Variants in HPSE2 observed in about 807,000 individuals in gnomAD.
HPSE2 encodes inactive heparanase-2.
Under a neutral mutation model 60.5 loss-of-function variants are expected in HPSE2, and 38 were observed. The ratio of observed to expected loss-of-function variants is 0.63; its 90% CI spans 0.48 to 0.82. The LOEUF is 0.82. Among genes scored for constraint, HPSE2 ranks in the 40% least tolerant of loss-of-function variants. HPSE2 has a pLI of 0.00. For missense variants in HPSE2, 713 were observed against 740.4 expected (o/e 0.96, Z 0.43); for synonymous variants, 295 against 293.2 (o/e 1.01, Z -0.06).
Position 98,457,397 on chromosome 10 carries a change from G to A in HPSE2, c.*2177C>T, listed in dbSNP as rs1158318518. On this transcript the variant is annotated 3_prime_UTR_variant, in exon 12 of 12. Transcript: ENST00000370552. ...CATTTCCCCGGGTGCCCCTGGGCGAGCCATGGATCCTCTCCATGCCTCGTA... is the reference window on the plus strand; with the variant it reads ...CATTTCCCCGGGTGCCCCTGGGCGAACCATGGATCCTCTCCATGCCTCGTA... The A allele has an allele frequency of 6.6e-6, 1 of 152,178 alleles. No homozygotes were observed. Among genetic ancestry groups the A allele is most frequent in the African/African-American group, 2.4e-5 (1 of 41,452 alleles). The allele number at this position is 152,178 out of a possible 1,614,324, so 9.4% of individuals were successfully genotyped here.
At chr10:99,202,492 TG>T (rs1163329913) in intron 2 of HPSE2, among the ~76,000 whole-genome samples, 2 of 152,208 alleles carry the variant, frequency 1.3e-5, no homozygotes, top group African/African-American at 4.8e-5. Context: ...GTTGTAAAGC[TG>T]GGACAAGTTA....
intron 2 of HPSE2, among the ~76,000 whole-genome samples, chr10:99,184,811 TATATATATAGAGAGAG>T (rs1186389358): frequency 1.8e-4 from 7 of 37,882 alleles, no homozygotes; most frequent in Admixed American, 3.6e-4. Flanking sequence ...TATATATATA[TATATATATAGAGAGAG>T]AGAGAGAGAG....
intron 9 of HPSE2, among the ~76,000 whole-genome samples, chr10:98,611,278 G>C (rs1046220808): frequency 2.0e-5 from 3 of 152,188 alleles, no homozygotes; most frequent in African/African-American, 4.8e-5. Flanking sequence ...CTTCTAAAGA[G>C]CTATCCTCAT....
chr10:98,929,441 A>AT (rs1378660607), intron 3 of HPSE2, among the ~76,000 whole-genome samples: 1 of 144,150 alleles, frequency 6.9e-6, no homozygotes, highest in South Asian at 2.1e-4. Flanking sequence ...GATAATACTC[A>AT]AGATCCTTTC....
At chr10:98,522,758 G>A (rs1301722101) in intron 9 of HPSE2, among the ~76,000 whole-genome samples, 6 of 152,236 alleles carry the variant, frequency 3.9e-5, no homozygotes, top group Non-Finnish European at 5.9e-5. Context: ...GATTACAGGC[G>A]TGAGCCACCG....
At chr10:98,475,194 T>C (rs1361260316) in intron 11 of HPSE2, among the ~76,000 whole-genome samples, 1 of 151,214 alleles carries the variant, frequency 6.6e-6, no homozygotes, top group Non-Finnish European at 1.5e-5. Flanking sequence ...CTCAGCTCAC[T>C]GCAACCTCCG....
intron 3 of HPSE2, among the ~76,000 whole-genome samples, chr10:99,060,013 A>G (rs992734324): frequency 6.6e-6 from 1 of 152,006 alleles, no homozygotes; most frequent in Admixed American, 6.6e-5. Context: ...GAAATATGCC[A>G]TAAAAAGCAA....
chr10:99,053,012 G>C (rs11599812), intron 3 of HPSE2, among the ~76,000 whole-genome samples: 2,253 of 145,550 alleles, frequency 0.015, 30 homozygotes, highest in Non-Finnish European at 0.022. Flanking sequence ...TTAACAGATG[G>C]TATTTTCCAT....
At chr10:98,495,211 C>A (rs1369564210) in intron 9 of HPSE2, among the ~76,000 whole-genome samples, 1 of 151,860 alleles carries the variant, frequency 6.6e-6, no homozygotes. Context: ...TATATTGGCT[C>A]ACTGCCTTCT....
chr10:99,059,304 T>C (rs1958182329), intron 3 of HPSE2, among the ~76,000 whole-genome samples: 1 of 152,208 alleles, frequency 6.6e-6, no homozygotes, highest in Non-Finnish European at 1.5e-5. Flanking sequence ...TTTTTAAGTG[T>C]TCAATTCTAC....
At chr10:99,012,431 CT>C (rs34974749) in intron 3 of HPSE2, among the ~76,000 whole-genome samples, 64 of 146,390 alleles carry the variant, frequency 4.4e-4, no homozygotes, top group African/African-American at 7.0e-4. Context: ...TTTCCTTTTC[CT>C]TTTTTTTTTT....
intron 6 of HPSE2, among the ~76,000 whole-genome samples, chr10:98,646,878 A>C (rs1388667476): frequency 6.6e-6 from 1 of 152,256 alleles, no homozygotes; most frequent in Non-Finnish European, 1.5e-5. Context: ...CAGTATAATA[A>C]GCACAACACC....
At position 98,937,169 on chromosome 10, in the gene HPSE2, G is replaced by C. The variant is rs1954825239; in HGVS notation, c.611-193113C>G. On this transcript the variant is annotated intron_variant, in intron 3 of 11. Coordinates refer to ENST00000370552, the MANE Select transcript of HPSE2 (RefSeq NM_021828.5). ...CCAGCGTTAAGCGACACAGAACACG[G>C]GTGATTTCTGCATTTCCATCTGAGG... 1.4e-5 allele frequency among the ~76,000 whole-genome samples: 2 copies of C among 143,658 alleles called. 1 individual carries two copies. Among genetic ancestry groups the C allele is most frequent in the Admixed American group, 1.4e-4 (2 of 14,442 alleles). The allele number at this position is 143,658 out of a possible 152,430, so 94.2% of individuals were successfully genotyped here.
the HPSE2 span, among the ~76,000 whole-genome samples, chr10:99,250,231 T>C: frequency 6.6e-6 from 1 of 152,020 alleles, no homozygotes; most frequent in Non-Finnish European, 1.5e-5. Context: ...CTTCCCCTTC[T>C]GCCATAATTG....
At chr10:98,580,654 A>T (rs1010245380) in intron 9 of HPSE2, among the ~76,000 whole-genome samples, 13 of 151,838 alleles carry the variant, frequency 8.6e-5, no homozygotes, top group African/African-American at 3.1e-4. Context: ...TCCATCAACC[A>T]ACTTATTGGA....
chr10:98,596,401 T>C (rs761800275), intron 9 of HPSE2, among the ~76,000 whole-genome samples: 2 of 152,184 alleles, frequency 1.3e-5, no homozygotes, highest in Non-Finnish European at 2.9e-5. Flanking sequence ...ATTAAAGTAT[T>C]CTGAACTTGA....
intron 3 of HPSE2, among the ~76,000 whole-genome samples, chr10:98,815,055 G>T (rs1234622611): frequency 1.3e-5 from 2 of 152,162 alleles, no homozygotes; most frequent in Non-Finnish European, 2.9e-5. Context: ...ACTGCTTGAG[G>T]CCAGGAATTC....
intron 2 of HPSE2, among the ~76,000 whole-genome samples, chr10:99,224,091 C>T (rs1201467597): frequency 1.3e-5 from 2 of 152,068 alleles, no homozygotes; most frequent in East Asian, 3.9e-4. Context: ...GTTTATTCCT[C>T]TTGGTTGCCC....
intron 11 of HPSE2, chr10:98,461,817 G>A (rs771350605): frequency 3.8e-6 from 6 of 1,593,946 alleles, no homozygotes; most frequent in African/African-American, 2.7e-5. Context: ...ACATCTTTGG[G>A]TTCTGGGGAG....
Sources: gnomAD v4.1 joint callset for allele counts (sites outside exome capture counted in the v4.1 genomes callset) on GRCh38, gnomAD v4.1.1 for gene constraint, MANE v1.5 for transcripts, NCBI Gene and HGNC (gene_info 2026-07-23, HGNC 2026-07-21) for gene names.